Variants in GPC6 observed in about 807,000 individuals in gnomAD.
GPC6 encodes glypican 6.
GPC6 carries 14 observed loss-of-function variants against 55.2 expected under a neutral mutation model. The ratio of observed to expected loss-of-function variants is 0.25; its 90% CI spans 0.17 to 0.40. The LOEUF (loss-of-function observed/expected upper bound fraction) is 0.40, where lower values mean the gene tolerates loss of function less well. GPC6 is among the 10% of genes least tolerant of loss of function. The pLI is 1.00. For synonymous variants in GPC6, 278 were observed against 259.6 expected (o/e 1.07, Z -0.68); for missense variants, 641 against 708.5 (o/e 0.90, Z 1.08).
chr13:94,059,091 T>C (rs1884233595), intron 4 of GPC6, among the ~76,000 whole-genome samples: 2 of 152,156 alleles, frequency 1.3e-5, no homozygotes, highest in Non-Finnish European at 2.9e-5. Context: ...AGTTTTTTTT[T>C]TTAAGAAGGC....
At chr13:94,215,208 G>A (rs1036221097) in intron 4 of GPC6, among the ~76,000 whole-genome samples, 7 of 152,116 alleles carry the variant, frequency 4.6e-5, no homozygotes, top group East Asian at 1.9e-4. Context: ...GGTATTTTAG[G>A]TTGATAAAAA....
At chr13:93,729,290 C>T (rs2138834146) in intron 2 of GPC6, among the ~76,000 whole-genome samples, 1 of 152,256 alleles carries the variant, frequency 6.6e-6, no homozygotes, top group Admixed American at 6.5e-5. Flanking sequence ...TTGGGAAATG[C>T]ATCAGACCAC....
intron 1 of GPC6, among the ~76,000 whole-genome samples, chr13:93,361,119 C>A (rs1020670282): frequency 4.6e-5 from 7 of 152,094 alleles, no homozygotes; most frequent in Non-Finnish European, 8.8e-5. Flanking sequence ...GCTCAAGTGG[C>A]CCATGCTTTA....
At position 94,387,764 on chromosome 13, in the gene GPC6, C is replaced by G. The variant is rs529670952; in HGVS notation, c.1289+5214C>G. 1.2e-3 allele frequency among the ~76,000 whole-genome samples: 130 copies of G among 109,052 alleles called. 1 individual carries two copies. The highest frequency in any genetic ancestry group is 5.0e-3 in the African/African-American group (126 of 25,090). The allele number at this position is 109,052 out of a possible 152,430, so 71.5% of individuals were successfully genotyped here. A position where few individuals can be genotyped will look rare whatever the true frequency, so the allele number is the denominator to read the frequency against. On this transcript the variant is annotated intron_variant, in intron 7 of 8. Transcript: ENST00000377047. ...TCTCTCTCTCTCTCTCTCTCTCTCT[C>G]TGCCGTGTGAGGACACAACAAGGCA...
intron 4 of GPC6, among the ~76,000 whole-genome samples, chr13:94,077,923 A>G (rs1884973045): frequency 6.6e-6 from 1 of 151,840 alleles, no homozygotes; most frequent in African/African-American, 2.4e-5. Flanking sequence ...GACCCAAAAG[A>G]CATATATAGA....
At chr13:93,530,139 A>G (rs1157403337) in intron 1 of GPC6, among the ~76,000 whole-genome samples, 3 of 152,166 alleles carry the variant, frequency 2.0e-5, no homozygotes, top group Non-Finnish European at 4.4e-5. Context: ...GTCTTTCGTA[A>G]CAGTAGCATA....
chr13:93,580,376 A>T (rs979719709), intron 2 of GPC6, among the ~76,000 whole-genome samples: 1 of 152,244 alleles, frequency 6.6e-6, no homozygotes, highest in African/African-American at 2.4e-5. Context: ...AGTTTATAAC[A>T]TGTATTATAT....
At chr13:93,628,038 G>C (rs962938054) in intron 2 of GPC6, among the ~76,000 whole-genome samples, 2 of 152,150 alleles carry the variant, frequency 1.3e-5, no homozygotes, top group Admixed American at 6.5e-5. Context: ...CCATCAGACT[G>C]TTCTTAAGCA....
intron 3 of GPC6, among the ~76,000 whole-genome samples, chr13:93,897,826 A>G (rs1876101929): frequency 6.6e-6 from 1 of 152,156 alleles, no homozygotes; most frequent in Admixed American, 6.6e-5. Context: ...AGTGCCTAAT[A>G]GGCTACCTTG....
At chr13:93,980,622 T>C (rs1880758617) in intron 3 of GPC6, among the ~76,000 whole-genome samples, 1 of 152,124 alleles carries the variant, frequency 6.6e-6, no homozygotes, top group Non-Finnish European at 1.5e-5. Context: ...CCACAGGAGC[T>C]ATCTGGCATA....
chr13:94,318,142 A>G (rs1876633001), intron 6 of GPC6, among the ~76,000 whole-genome samples: 1 of 152,198 alleles, frequency 6.6e-6, no homozygotes. Flanking sequence ...AGGGAAGAAG[A>G]TAAGAGTATC....
intron 4 of GPC6, among the ~76,000 whole-genome samples, chr13:94,271,359 C>G (rs904576855): frequency 9.7e-6 from 1 of 103,584 alleles, no homozygotes; most frequent in Admixed American, 9.6e-5. Flanking sequence ...GTTAAATACA[C>G]ACACACACGC....
chr13:93,382,178 C>T (rs969423146), intron 1 of GPC6, among the ~76,000 whole-genome samples: 3 of 152,122 alleles, frequency 2.0e-5, no homozygotes, highest in Admixed American at 2.0e-4. Context: ...ACTAGTGTTG[C>T]AATCTAACTT....
chr13:93,343,984 A>T (rs1315889257), intron 1 of GPC6, among the ~76,000 whole-genome samples: 1 of 152,158 alleles, frequency 6.6e-6, no homozygotes, highest in East Asian at 1.9e-4. Context: ...AATTTCCTTT[A>T]GTGTCAACAG....
At chr13:93,913,131 A>G (rs1306781676) in intron 3 of GPC6, among the ~76,000 whole-genome samples, 3 of 152,196 alleles carry the variant, frequency 2.0e-5, no homozygotes, top group Non-Finnish European at 2.9e-5. Context: ...TAGGACTCGG[A>G]CATATCATTT....
At chr13:93,666,996 CTTTT>C (rs989773975) in intron 2 of GPC6, among the ~76,000 whole-genome samples, 19 of 151,120 alleles carry the variant, frequency 1.3e-4, no homozygotes, top group African/African-American at 4.4e-4. Context: ...TTCAAAATAA[CTTTT>C]TTTTTGGAAC....
intron 1 of GPC6, among the ~76,000 whole-genome samples, chr13:93,388,876 A>G (rs1374911471): frequency 1.3e-4 from 20 of 152,172 alleles, no homozygotes; most frequent in Non-Finnish European, 1.0e-4. Flanking sequence ...CAAAATGCTC[A>G]AAGGACTTAT....
chr13:93,734,336 A>G (rs759005932), intron 2 of GPC6, among the ~76,000 whole-genome samples: 1 of 152,164 alleles, frequency 6.6e-6, no homozygotes, highest in Non-Finnish European at 1.5e-5. Context: ...TTGTTTCACA[A>G]TGACGTTAGC....
intron 3 of GPC6, among the ~76,000 whole-genome samples, chr13:93,941,093 G>A (rs1233539091): frequency 6.6e-6 from 1 of 152,098 alleles, no homozygotes; most frequent in African/African-American, 2.4e-5. Context: ...GGCTTTAAAA[G>A]ATGTGCTCCA....
Sources: allele counts gnomAD v4.1 joint callset (sites outside exome capture counted in the v4.1 genomes callset), GRCh38; gene constraint gnomAD v4.1.1; transcripts MANE v1.5; gene names NCBI Gene and HGNC (gene_info 2026-07-23, HGNC 2026-07-21).